Variants in STXBP5 observed in about 807,000 individuals in gnomAD.
STXBP5 encodes syntaxin-binding protein 5.
In STXBP5, 50 loss-of-function variants were observed where a neutral mutation model predicts 152.4. That is an observed-to-expected ratio of 0.33 (90% CI 0.26 to 0.42). The LOEUF (loss-of-function observed/expected upper bound fraction) is 0.42, where lower values mean the gene tolerates loss of function less well. Ranked by LOEUF, STXBP5 falls within the 10% of genes least tolerant of loss-of-function variation. The pLI is 1.00. For missense variants in STXBP5, 1,167 were observed against 1,388.6 expected, an observed-to-expected ratio of 0.84 and a Z score of 2.54; for synonymous variants, 492 against 494.7, an observed-to-expected ratio of 0.99 and a Z score of 0.07.
intron 19 of STXBP5, among the ~76,000 whole-genome samples, chr6:147,337,304 G>A (rs547052916): frequency 5.2e-4 from 79 of 151,772 alleles, no homozygotes; most frequent in African/African-American, 1.9e-3. Context: ...TGTAAATGGT[G>A]CCTTCAAGTG....
intron 10 of STXBP5, among the ~76,000 whole-genome samples, chr6:147,310,468 G>T (rs1782312012): frequency 6.6e-6 from 1 of 152,054 alleles, no homozygotes; most frequent in Non-Finnish European, 1.5e-5. Flanking sequence ...TTAAAATTCT[G>T]TTAAGATAGT....
intron 11 of STXBP5, among the ~76,000 whole-genome samples, 185 bp downstream of exon 11, chr6:147,311,712 T>C (rs1782386235): frequency 6.6e-6 from 1 of 152,174 alleles, no homozygotes; most frequent in Non-Finnish European, 1.5e-5. Flanking sequence ...TTGAATCTCA[T>C]AAAATTTTCA....
chr6:147,263,812 A>G (rs990689561), intron 6 of STXBP5, among the ~76,000 whole-genome samples: 48 of 152,144 alleles, frequency 3.2e-4, no homozygotes, highest in African/African-American at 1.1e-3. Context: ...ATCCTGACAG[A>G]AAATGCTTTT....
At chr6:147,356,864 T>C (rs184961084) in intron 22 of STXBP5, among the ~76,000 whole-genome samples, 20 of 152,296 alleles carry the variant, frequency 1.3e-4, no homozygotes, top group Non-Finnish European at 2.9e-5. Flanking sequence ...CACAATAGCA[T>C]TGAAAGCATG....
chr6:147,327,084 A>G (rs200673721), intron 17 of STXBP5, 41 bp from the exon 18 acceptor site: 12 of 1,581,900 alleles, frequency 7.6e-6, no homozygotes, highest in Non-Finnish European at 8.6e-6. Flanking sequence ...TTTTGGAATT[A>G]TTTGTTTGTG....
At chr6:147,219,799 GTTTTTTTT>G (rs35444906) in intron 2 of STXBP5, among the ~76,000 whole-genome samples, 2 of 86,104 alleles carry the variant, frequency 2.3e-5, no homozygotes, top group African/African-American at 8.9e-5. Flanking sequence ...CTAGAAGCTT[GTTTTTTTT>G]TTTTTTTTTT....
At chr6:147,245,655 CTTAG>C (rs1778774395) in intron 4 of STXBP5, among the ~76,000 whole-genome samples, 1 of 152,042 alleles carries the variant, frequency 6.6e-6, no homozygotes, top group South Asian at 2.1e-4. Context: ...TGAATGTGAC[CTTAG>C]TTAGAAATGG....
At chr6:147,206,234 A>G (rs1776550784) in intron 2 of STXBP5, among the ~76,000 whole-genome samples, 166 bp downstream of exon 2, 2 of 152,212 alleles carry the variant, frequency 1.3e-5, no homozygotes, top group Admixed American at 1.3e-4. Context: ...TTCAGCTTAT[A>G]TACTGCTGTG....
In STXBP5 at chr6:147,239,287, T is replaced by G. The variant is rs1179046324; in HGVS notation, c.431+17T>G. Reference sequence around the variant, plus strand: ...CAGAGAAAGGTAAGAATTCTCCCAGTTATCTTATGTATAGGATATTTACTA... The same window carrying G: ...CAGAGAAAGGTAAGAATTCTCCCAGGTATCTTATGTATAGGATATTTACTA... On this transcript the variant is annotated intron_variant, in intron 4 of 27. Transcript: ENST00000321680. The G allele has an allele frequency of 6.3e-7, 1 of 1,595,344 alleles. No individual in the cohort carries two copies. The highest frequency in any genetic ancestry group is 1.7e-5 in the Admixed American group (1 of 59,668).
chr6:147,224,201 G>A (rs1387931782), intron 2 of STXBP5, among the ~76,000 whole-genome samples: 1 of 152,204 alleles, frequency 6.6e-6, no homozygotes, highest in Non-Finnish European at 1.5e-5. Flanking sequence ...CAAGGCAGGC[G>A]GATCATTTGA....
At chr6:147,297,664 C>A (rs1410260097) in intron 9 of STXBP5, among the ~76,000 whole-genome samples, 1 of 151,706 alleles carries the variant, frequency 6.6e-6, no homozygotes, top group Non-Finnish European at 1.5e-5. Flanking sequence ...AAGGAGCACC[C>A]AATAAATAAG....
intron 16 of STXBP5, among the ~76,000 whole-genome samples, chr6:147,322,363 G>A (rs2128381914): frequency 1.3e-5 from 2 of 152,306 alleles, no homozygotes; most frequent in East Asian, 3.9e-4. Flanking sequence ...AGTTCTGAAT[G>A]CATTGCCTTG....
At chr6:147,356,846 C>T (rs1784837002) in intron 22 of STXBP5, among the ~76,000 whole-genome samples, 1 of 152,008 alleles carries the variant, frequency 6.6e-6, no homozygotes, top group Admixed American at 6.6e-5. Flanking sequence ...TTGAAGAGTC[C>T]TTTCTTTCAC....
chr6:147,337,339 G>GA (rs1279726786), intron 19 of STXBP5, among the ~76,000 whole-genome samples: 6 of 151,792 alleles, frequency 4.0e-5, no homozygotes, highest in Admixed American at 6.6e-5. Flanking sequence ...ATGAAATCAT[G>GA]AAAAAACAAT....
At chr6:147,355,324 C>CT (rs1167223438) in intron 22 of STXBP5, among the ~76,000 whole-genome samples, 1 of 152,024 alleles carries the variant, frequency 6.6e-6, no homozygotes, top group Non-Finnish European at 1.5e-5. Flanking sequence ...ATAAGGCTCT[C>CT]TGTGGGGAGG....
intron 4 of STXBP5, among the ~76,000 whole-genome samples, chr6:147,247,036 T>C (rs1405000769): frequency 3.3e-5 from 5 of 152,212 alleles, no homozygotes; most frequent in African/African-American, 1.2e-4. Context: ...AAGCTTGTAA[T>C]TTGCTTAGTA....
chr6:147,235,627 A>G (rs1185246005), intron 3 of STXBP5, among the ~76,000 whole-genome samples: 1 of 152,198 alleles, frequency 6.6e-6, no homozygotes, highest in Non-Finnish European at 1.5e-5. Context: ...ATAGAACTCT[A>G]TATTAAAATA....
At position 147,314,410 on chromosome 6, in the gene STXBP5, A is replaced by G. The variant is rs1294354719; in HGVS notation, c.1361+79A>G. 2.7e-5 allele frequency: 38 copies of G among 1,418,228 alleles called. No homozygotes were observed. In the East Asian group the frequency reaches 8.2e-4, roughly 31 times the overall value. The allele number at this position is 1,418,228 out of a possible 1,614,324, so 87.9% of individuals were successfully genotyped here. A position where few individuals can be genotyped will look rare whatever the true frequency, so the allele number is the denominator to read the frequency against. ...ATTGAGACTACATGAATGTTAACTT[A>G]CTGGACAGGTAGAGCTTTCCTTTAT... On this transcript the variant is annotated intron_variant, in intron 13 of 27. Coordinates refer to ENST00000321680, the MANE Select transcript of STXBP5 (RefSeq NM_001127715.4).
intron 8 of STXBP5, among the ~76,000 whole-genome samples, chr6:147,288,938 TTGGTAGGTG>T (rs1781132446): frequency 6.6e-6 from 1 of 152,160 alleles, no homozygotes; most frequent in African/African-American, 2.4e-5. Flanking sequence ...CTCCTTACCC[TTGGTAGGTG>T]AACACGTGCA....
Sources: gnomAD v4.1 joint callset for allele counts (sites outside exome capture counted in the v4.1 genomes callset) on GRCh38, gnomAD v4.1.1 for gene constraint, MANE v1.5 for transcripts, NCBI Gene and HGNC (gene_info 2026-07-23, HGNC 2026-07-21) for gene names.